The following ZNF846 variants were observed in gnomAD, a reference collection of about 807,000 sequenced individuals.
ZNF846 encodes the protein zinc finger protein 420 pseudogene.
In ZNF846, 15 loss-of-function variants were observed where a neutral mutation model predicts 16.0. The observed-to-expected ratio is 0.94, with a 90% CI of 0.63 to 1.45. The LOEUF is 1.45. Ranked by LOEUF, ZNF846 falls within the 40% of genes most tolerant of loss-of-function variation. ZNF846 has a pLI of 0.00. For missense variants in ZNF846, 714 were observed against 622.3 expected (o/e 1.15, Z -1.57); for synonymous variants, 229 against 212.0 (o/e 1.08, Z -0.70).
upstream of ZNF846, among the ~76,000 whole-genome samples, chr19:9,770,217 C>T (rs1461162214): frequency 1.3e-5 from 2 of 152,098 alleles, no homozygotes; most frequent in Non-Finnish European, 2.9e-5. Flanking sequence ...AGTACCCTAG[C>T]CATGATCACC....
At chr19:9,751,493 T>C (rs1282025919), downstream of ZNF846, among the ~76,000 whole-genome samples, 1 of 152,170 alleles carries the variant, frequency 6.6e-6, no homozygotes, top group Non-Finnish European at 1.5e-5. Context: ...ATAATGTACT[T>C]TGTGATATTC....
exon 5 of ZNF846, chr19:9,759,895 T>C: frequency 6.2e-7 from 1 of 1,613,206 alleles, no homozygotes; most frequent in South Asian, 1.1e-5. Context: ...TCTGCAGAAA[T>C]ATCTTGCAGC....
chr19:9,774,571 C>A (rs1050272137), intron 1 of ZNF846: 4 of 1,505,416 alleles, frequency 2.7e-6, no homozygotes, highest in African/African-American at 1.4e-5. Flanking sequence ...CCCGTAACAT[C>A]CAGGTTGATG....
chr19:9,775,044 A>G, intron 1 of ZNF846: 1 of 1,241,722 alleles, frequency 8.1e-7, no homozygotes. Context: ...GACTCTGTGG[A>G]AATTGACACG....
intron 1 of ZNF846, chr19:9,774,359 T>G (rs1353864087): frequency 4.1e-6 from 2 of 486,146 alleles, no homozygotes; most frequent in East Asian, 8.1e-5. Context: ...TCCCAGCTAC[T>G]CGGGAGGCTG....
chr19:9,783,544 A>AATATAT (rs1555714919), intron 1 of ZNF846, among the ~76,000 whole-genome samples: 60 of 108,764 alleles, frequency 5.5e-4, no homozygotes, highest in South Asian at 2.2e-3. Flanking sequence ...AAAAAAAAAA[A>AATATAT]ATATATATAT....
chr19:9,782,758 G>A (rs1243101231), intron 1 of ZNF846, among the ~76,000 whole-genome samples: 1 of 152,224 alleles, frequency 6.6e-6, no homozygotes, highest in Non-Finnish European at 1.5e-5. Flanking sequence ...AGATGGAAAA[G>A]AAATGTTACT....
At chr19:9,778,479 A>T (rs1396801374) in intron 1 of ZNF846, among the ~76,000 whole-genome samples, 1 of 152,152 alleles carries the variant, frequency 6.6e-6, no homozygotes, top group Non-Finnish European at 1.5e-5. Context: ...CAATTTACAG[A>T]AAATGCAGGT....
chr19:9,774,919 A>G lies in ZNF846; in HGVS notation c.-85-9884T>C, dbSNP rs1285944926. On this transcript the variant is annotated intron_variant, in intron 1 of 4. Coordinates refer to the ZNF846 transcript ENST00000586814. ...GTAAAAAATTCTGTAAGAATGCTGAAGAGTTTACAAAGAAATATGGGGAAA... is the reference window on the plus strand; with the variant it reads ...GTAAAAAATTCTGTAAGAATGCTGAGGAGTTTACAAAGAAATATGGGGAAA... The G allele has an allele frequency of 1.9e-6, 3 of 1,609,576 alleles. No homozygotes were observed. The African/African-American group carries it at 4.0e-5, about 22-fold the overall frequency.
chr19:9,761,298 A>G (rs1034913404), intron 4 of ZNF846, among the ~76,000 whole-genome samples: 14 of 152,206 alleles, frequency 9.2e-5, no homozygotes, highest in Non-Finnish European at 1.8e-4. Context: ...TTACCTAAAA[A>G]AAGTATATGG....
Position 9,762,181 on chromosome 19 carries a change from A to C in ZNF846, c.143-13T>G. On this transcript the variant is annotated splice_polypyrimidine_tract_variant and intron_variant, in intron 3 of 5. Coordinates refer to ENST00000397902, the Ensembl canonical transcript of ZNF846. The stretch of plus-strand genomic sequence containing the variant: ...AATTCAGACCCTGCTGGAGGGAAAA[A>C]TGCACAAAAGAAGAGGCCCATGCAA... The C allele has an allele frequency of 6.2e-7, 1 of 1,611,512 alleles. No homozygotes were observed. Among genetic ancestry groups the C allele is most frequent in the Middle Eastern group, 1.7e-4 (1 of 6,058 alleles).
chr19:9,764,781 G>T, intron 2 of ZNF846, 155 bp downstream of exon 2: 1 of 850,746 alleles, frequency 1.2e-6, no homozygotes, highest in Non-Finnish European at 1.9e-6. Context: ...TGTACAACCT[G>T]AGATGGCTTG....
chr19:9,783,409 T>C (rs959709600), intron 1 of ZNF846, among the ~76,000 whole-genome samples: 1 of 149,042 alleles, frequency 6.7e-6, no homozygotes, highest in Middle Eastern at 3.2e-3. Flanking sequence ...TTTGTATTTT[T>C]AGTAGAGACA....
At chr19:9,753,395 G>A (rs1345862334), downstream of ZNF846, among the ~76,000 whole-genome samples, 1 of 149,778 alleles carries the variant, frequency 6.7e-6, no homozygotes, top group East Asian at 1.9e-4. Context: ...GGGACTACAG[G>A]CACCCAGCAC....
upstream of ZNF846, among the ~76,000 whole-genome samples, chr19:9,771,023 G>A (rs576982231): frequency 2.0e-5 from 3 of 152,146 alleles, no homozygotes; most frequent in Non-Finnish European, 2.9e-5. Flanking sequence ...ACATGGATAA[G>A]TTCTTTAGTG....
At chr19:9,778,067 G>T (rs1312399072) in intron 1 of ZNF846, among the ~76,000 whole-genome samples, 1 of 151,704 alleles carries the variant, frequency 6.6e-6, no homozygotes, top group Non-Finnish European at 1.5e-5. Flanking sequence ...CCCATTCAAA[G>T]AAAAAATAAA....
exon 1 of ZNF846, chr19:9,786,057 GCTC>G (rs2045557231): frequency 6.6e-6 from 1 of 151,956 alleles, no homozygotes; most frequent in Non-Finnish European, 1.5e-5. Flanking sequence ...GGAACTGAGG[GCTC>G]TGGACCCGGC....
At chr19:9,754,563 TTAAAA>T (rs1474709192), downstream of ZNF846, among the ~76,000 whole-genome samples, 4 of 83,772 alleles carry the variant, frequency 4.8e-5, no homozygotes, top group Middle Eastern at 5.0e-3. Flanking sequence ...AGACTCTGTC[TTAAAA>T]AAAAAAAAAA....
At chr19:9,762,105 G>T in exon 4 of ZNF846, 1 of 1,613,944 alleles carries the variant, frequency 6.2e-7, no homozygotes, top group Non-Finnish European at 8.5e-7. Flanking sequence ...TGTCACTCCT[G>T]TCCTCAGCTC....
Sources: gnomAD v4.1 joint callset for allele counts (sites outside exome capture counted in the v4.1 genomes callset) on GRCh38, gnomAD v4.1.1 for gene constraint, MANE v1.5 for transcripts, NCBI Gene and HGNC (gene_info 2026-07-23, HGNC 2026-07-21) for gene names.